The following DNAH6 variants were observed in gnomAD, a reference collection of about 807,000 sequenced individuals.
The protein encoded by DNAH6 is dynein axonemal heavy chain 6.
Under a neutral mutation model 491.4 loss-of-function variants are expected in DNAH6, and 340 were observed. That is an observed-to-expected ratio of 0.69 (90% CI 0.63 to 0.76). DNAH6 has a LOEUF of 0.76. DNAH6 is among the 30% of genes least tolerant of loss of function. DNAH6 has a pLI of 0.00. For synonymous variants in DNAH6, 1,603 were observed against 1,686.1 expected, an observed-to-expected ratio of 0.95 and a Z score of 1.21; for missense variants, 4,443 against 4,972.2, an observed-to-expected ratio of 0.89 and a Z score of 3.20.
At chr2:84,556,392 T>C (rs972739773) in intron 10 of DNAH6, among the ~76,000 whole-genome samples, 3 of 152,152 alleles carry the variant, frequency 2.0e-5, no homozygotes, top group African/African-American at 4.8e-5. Flanking sequence ...GCGCTGATGC[T>C]CCAGTACCTA....
At chr2:84,751,350 G>A (rs901649300) in intron 63 of DNAH6, 3 of 152,240 alleles carry the variant, frequency 2.0e-5, no homozygotes, top group African/African-American at 7.2e-5. Flanking sequence ...AGCTTATTGG[G>A]TGACCAGTGC....
chr2:84,641,919 A>G (rs1180300568), intron 32 of DNAH6, 28 bp from the exon 33 acceptor site: 3 of 1,517,244 alleles, frequency 2.0e-6, no homozygotes, highest in African/African-American at 1.4e-5. Context: ...TTCTTGTGAT[A>G]TTATCCGAAA....
chr2:84,470,839 T>C, the DNAH6 span, among the ~76,000 whole-genome samples: 1 of 151,810 alleles, frequency 6.6e-6, no homozygotes, highest in Admixed American at 6.6e-5. Flanking sequence ...AAAAGACAGT[T>C]TGAGAGAGAA....
At chr2:84,587,809 G>C (rs1683715822) in intron 15 of DNAH6, among the ~76,000 whole-genome samples, 1 of 152,168 alleles carries the variant, frequency 6.6e-6, no homozygotes, top group Admixed American at 6.5e-5. Flanking sequence ...ATGGCGAATA[G>C]ATGGGAGGGG....
chr2:84,665,991 T>C (rs576673748), intron 37 of DNAH6, among the ~76,000 whole-genome samples: 21 of 152,118 alleles, frequency 1.4e-4, no homozygotes, highest in African/African-American at 4.8e-4. Flanking sequence ...ACAGAACCAG[T>C]GACAAAAACC....
chr2:84,661,965 A>G (rs1691548377), intron 37 of DNAH6, among the ~76,000 whole-genome samples: 2 of 152,194 alleles, frequency 1.3e-5, no homozygotes, highest in South Asian at 4.1e-4. Flanking sequence ...GTATTGACAA[A>G]GAAGTGGAAG....
intron 38 of DNAH6, among the ~76,000 whole-genome samples, 195 bp downstream of exon 38, chr2:84,669,705 T>A (rs1692528100): frequency 6.6e-6 from 1 of 152,218 alleles, no homozygotes; most frequent in Non-Finnish European, 1.5e-5. Flanking sequence ...TCTGAACACA[T>A]TCTTGGAGTT....
At chr2:84,639,769 T>C (rs1488988328) in intron 31 of DNAH6, among the ~76,000 whole-genome samples, 1 of 152,126 alleles carries the variant, frequency 6.6e-6, no homozygotes, top group Non-Finnish European at 1.5e-5. Flanking sequence ...ACTGTGCTAA[T>C]CAGCAGGGAT....
At chr2:84,745,334 G>A in intron 63 of DNAH6, 85 bp downstream of exon 63, 1 of 1,121,752 alleles carries the variant, frequency 8.9e-7, no homozygotes, top group Non-Finnish European at 1.2e-6. Flanking sequence ...AAATTTATTT[G>A]AGAGTAACAA....
Position 84,808,541 on chromosome 2 carries a change from A to C in DNAH6, c.11738A>C (p.His3913Pro), listed in dbSNP as rs1455292296. The change falls in exon 72 of 77, where the codon CAT becomes CCT. Residue 3913 changes from histidine to proline, a missense_variant and splice_region_variant. Physicochemically the swap from His to Pro is moderately conservative, Grantham distance 77. Transcript: ENST00000389394. ...DRFNNLLKLI[H>P]TSLETLNKAI... The stretch of plus-strand genomic sequence containing the variant: ...TTTAACAACCTGCTGAAGTTAATTC[A>C]TGTATGAGAGCTTACTTTCATCATT... 1 of 1,551,648 alleles carries C rather than the reference A, an allele frequency of 6.4e-7. No individual in the cohort carries two copies.
the DNAH6 span, among the ~76,000 whole-genome samples, chr2:84,480,761 A>C: frequency 6.6e-6 from 1 of 152,168 alleles, no homozygotes; most frequent in African/African-American, 2.4e-5. Context: ...TCAGGAGTTC[A>C]AGACCAGCCT....
rs371090965 is a variant in DNAH6 at position 84,529,085 on chromosome 2, G to T, written c.581G>T (p.Arg194Leu). ...CCCTTGCAAATCATTAAAATAATAC[G>T]TGAAAATGAACATCTTGGATTTCTT... ...RDPLQIIKIIRENEHLGFLYM... is the reference protein window; with the variant it reads ...RDPLQIIKIILENEHLGFLYM... Residue 194 changes from arginine to leucine, a missense_variant, in exon 4 of 77, where the codon CGT becomes CTT. Physicochemically the swap from Arg to Leu is moderately radical, Grantham distance 102 (BLOSUM62 -2). Transcript: ENST00000389394. The T allele has an allele frequency of 2.9e-4, 445 of 1,550,636 alleles. 1 individual carries two copies. Among genetic ancestry groups the T allele is most frequent in the Non-Finnish European group, 3.5e-4 (397 of 1,146,516 alleles).
intron 14 of DNAH6, 22 bp downstream of exon 14, chr2:84,579,701 A>T: frequency 6.5e-7 from 1 of 1,540,190 alleles, no homozygotes; most frequent in Non-Finnish European, 8.7e-7. Flanking sequence ...ATCTCATATA[A>T]CTCAATATTC....
At chr2:84,721,818 G>C (rs1035927060) in intron 59 of DNAH6, among the ~76,000 whole-genome samples, 1 of 152,170 alleles carries the variant, frequency 6.6e-6, no homozygotes, top group Non-Finnish European at 1.5e-5. Flanking sequence ...AGTTCCCTTG[G>C]TGATTTTTCA....
chr2:84,791,946 C>T (rs1438305863), intron 68 of DNAH6, among the ~76,000 whole-genome samples: 10 of 152,142 alleles, frequency 6.6e-5, no homozygotes, highest in African/African-American at 2.4e-4. Flanking sequence ...GATAATGAAT[C>T]ATTCGTAGTA....
chr2:84,809,062 C>A (rs1009214362), intron 72 of DNAH6, among the ~76,000 whole-genome samples: 2 of 152,100 alleles, frequency 1.3e-5, no homozygotes, highest in Non-Finnish European at 2.9e-5. Flanking sequence ...AAATAAACTC[C>A]CCAGATAATT....
chr2:84,547,630 C>T lies in DNAH6; in HGVS notation c.1186+18C>T, dbSNP rs114989346. 1.7e-4 allele frequency: 262 copies of T among 1,550,668 alleles called. No homozygotes were observed. In the African/African-American group the frequency reaches 3.3e-3, roughly 20 times the overall value. ...TTTTGAGGGTATGAAGGGGAAAGAA[C>T]CTCAATATATCAGAAGTGGTGGCTT... On this transcript the variant is annotated intron_variant, in intron 7 of 76. Transcript: ENST00000389394.
At chr2:84,633,804 C>T (rs1485097627) in intron 29 of DNAH6, among the ~76,000 whole-genome samples, 1 of 151,684 alleles carries the variant, frequency 6.6e-6, no homozygotes, top group Non-Finnish European at 1.5e-5. Context: ...GATATGCACA[C>T]AGATCTATCA....
intron 16 of DNAH6, among the ~76,000 whole-genome samples, chr2:84,589,310 A>G (rs1032416372): frequency 3.3e-5 from 5 of 152,170 alleles, no homozygotes; most frequent in African/African-American, 1.2e-4. Flanking sequence ...CTTTACATTC[A>G]TATGTACGTT....
Sources: allele counts gnomAD v4.1 joint callset (sites outside exome capture counted in the v4.1 genomes callset), GRCh38; gene constraint gnomAD v4.1.1; transcripts MANE v1.5; gene names NCBI Gene and HGNC (gene_info 2026-07-23, HGNC 2026-07-21).